The following OPHN1 variants were observed in gnomAD, a reference collection of about 807,000 sequenced individuals.
The protein encoded by OPHN1 is oligophrenin 1.
In OPHN1, 11 loss-of-function variants were observed where a neutral mutation model predicts 60.7. That is an observed-to-expected ratio of 0.18 (90% CI 0.11 to 0.30). The LOEUF (loss-of-function observed/expected upper bound fraction) is 0.30, where lower values mean the gene tolerates loss of function less well. OPHN1 is among the 10% of genes least tolerant of loss of function. The pLI is 1.00. For missense variants in OPHN1, 449 were observed against 611.0 expected, an observed-to-expected ratio of 0.73 and a Z score of 2.80; for synonymous variants, 226 against 222.6, an observed-to-expected ratio of 1.02 and a Z score of -0.14.
chrX:68,389,570 A>AATAAATAC (rs1212027404), intron 2 of OPHN1, among the ~76,000 whole-genome samples: 2 of 24,609 alleles, frequency 8.1e-5, no homozygotes, highest in African/African-American at 1.1e-4. Flanking sequence ...CCCTCTCAAA[A>AATAAATAC]ATAAATAAAT....
chrX:68,352,296 T>C (rs1267284028), intron 2 of OPHN1, among the ~76,000 whole-genome samples: 2 of 109,163 alleles, frequency 1.8e-5, no homozygotes, highest in Non-Finnish European at 3.8e-5. Flanking sequence ...GTTCAGAAGA[T>C]TTGGTAGACA....
chrX:68,134,395 C>G (rs986776433), intron 15 of OPHN1, among the ~76,000 whole-genome samples: 4 of 111,084 alleles, frequency 3.6e-5, no homozygotes, highest in African/African-American at 1.3e-4. Flanking sequence ...GTCTGTGGTC[C>G]TAGATCTACA....
At chrX:68,270,344 G>A (rs1246724848) in intron 5 of OPHN1, among the ~76,000 whole-genome samples, 2 of 110,661 alleles carry the variant, frequency 1.8e-5, no homozygotes, top group Non-Finnish European at 3.8e-5. Flanking sequence ...CAACCCAAAT[G>A]TCCATCAATG....
At chrX:68,260,170 G>A (rs751173569) in intron 5 of OPHN1, among the ~76,000 whole-genome samples, 1 of 107,421 alleles carries the variant, frequency 9.3e-6, no homozygotes, top group African/African-American at 3.4e-5. Context: ...GTAACACCCC[G>A]ACTCTTGGAG....
chrX:68,213,504 T>C (rs2077594316), intron 7 of OPHN1, among the ~76,000 whole-genome samples: 1 of 110,050 alleles, frequency 9.1e-6, no homozygotes, highest in South Asian at 4.0e-4. Context: ...GTCCCTAGCA[T>C]AGTATCTGGT....
At chrX:68,297,010 T>C (rs978678413) in intron 3 of OPHN1, among the ~76,000 whole-genome samples, 3 of 110,799 alleles carry the variant, frequency 2.7e-5, no homozygotes, top group African/African-American at 9.8e-5. Context: ...GGCTCAAAGT[T>C]CAACATAAAG....
At chrX:68,317,277 G>A (rs2078203838) in intron 2 of OPHN1, among the ~76,000 whole-genome samples, 2 of 99,863 alleles carry the variant, frequency 2.0e-5, no homozygotes, top group Non-Finnish European at 4.0e-5. Flanking sequence ...TGCAGCCTGG[G>A]CAACAGAGTG....
intron 16 of OPHN1, among the ~76,000 whole-genome samples, chrX:68,116,965 T>A (rs1221294120): frequency 8.9e-6 from 1 of 111,890 alleles, no homozygotes; most frequent in Non-Finnish European, 1.9e-5. Flanking sequence ...GCTAACTGAT[T>A]TCCACATCTC....
At chrX:68,168,961 T>C (rs1370777232) in intron 15 of OPHN1, among the ~76,000 whole-genome samples, 1 of 110,831 alleles carries the variant, frequency 9.0e-6, no homozygotes, top group African/African-American at 3.3e-5. Context: ...CAGGAAGAAG[T>C]TGACTCTCTG....
At chrX:68,154,278 A>G (rs759715479) in intron 15 of OPHN1, among the ~76,000 whole-genome samples, 2 of 112,565 alleles carry the variant, frequency 1.8e-5, no homozygotes, top group South Asian at 7.4e-4. Context: ...GACTAGCAGC[A>G]TAACTAGCAG....
At position 68,194,487 on chromosome X, in the gene OPHN1, G is replaced by C. The variant is rs1383899887; in HGVS notation, c.1116C>G (p.Ser372Arg). 1 of 1,206,837 alleles carries C rather than the reference G, an allele frequency of 8.3e-7. No homozygotes were observed. The highest frequency in any genetic ancestry group is 2.2e-5 in the Admixed American group (1 of 46,010). ...CACTTTCTTGCTGTTTTGTTATAGG[G>C]CTGTGGTAGATCTACAAAAGAAGAT... ...AMDGKEPIYH[S>R]PITKQQEMEL... Residue 372 changes from serine to arginine, a missense_variant, in exon 13 of 25, where the codon AGC becomes AGG. Ser to Arg is a moderately radical substitution (Grantham distance 110). This residue lies in a region of OPHN1 where 166 missense variants were observed against 278.4 expected (regional missense o/e 0.60). Transcript: ENST00000355520.
At chrX:68,149,968 T>C (rs892477700) in intron 15 of OPHN1, among the ~76,000 whole-genome samples, 1 of 111,575 alleles carries the variant, frequency 9.0e-6, no homozygotes, top group Admixed American at 9.6e-5. Context: ...TTATTAACTA[T>C]GACAAAGCAT....
intron 6 of OPHN1, among the ~76,000 whole-genome samples, chrX:68,230,532 A>AGACT (rs1033113051): frequency 9.1e-6 from 1 of 110,485 alleles, no homozygotes; most frequent in Admixed American, 9.7e-5. Flanking sequence ...CATCAATGAT[A>AGACT]GACTGGATTA....
At chrX:68,356,537 C>A (rs1455042700) in intron 2 of OPHN1, among the ~76,000 whole-genome samples, 1 of 110,420 alleles carries the variant, frequency 9.1e-6, no homozygotes, top group South Asian at 3.9e-4. Context: ...CTTGGCCTCC[C>A]GAGGAGCTGG....
At chrX:68,363,529 C>A in intron 2 of OPHN1, among the ~76,000 whole-genome samples, 1 of 110,465 alleles carries the variant, frequency 9.1e-6, no homozygotes, top group Non-Finnish European at 1.9e-5. Flanking sequence ...CCAGGCTGGT[C>A]TCAAACTCCT....
chrX:68,052,631 T>C (rs183984060), intron 22 of OPHN1, 41 bp from the exon 23 acceptor site: 5 of 1,139,955 alleles, frequency 4.4e-6, no homozygotes, highest in Middle Eastern at 2.4e-4. Context: ...GTTGCTTTGG[T>C]ATACACGTGA....
At chrX:68,194,999 AAAGAAAGGAAGGAAGGAAGG>A (rs1247926199) in intron 12 of OPHN1, among the ~76,000 whole-genome samples, 5 of 71,995 alleles carry the variant, frequency 6.9e-5, no homozygotes, top group African/African-American at 1.2e-4. Flanking sequence ...AGAGAGAGAG[AAAGAAAGGAAGGAAGGAAGG>A]AAGGAAGGAA....
chrX:68,109,897 G>A (rs1392740315), intron 18 of OPHN1, among the ~76,000 whole-genome samples: 2 of 110,639 alleles, frequency 1.8e-5, no homozygotes, highest in Non-Finnish European at 3.8e-5. Context: ...CCTATTTTCA[G>A]ATACTTGTGT....
chrX:68,424,196 A>T (rs5919558), intron 2 of OPHN1, among the ~76,000 whole-genome samples: 1 of 18,314 alleles, frequency 5.5e-5, no homozygotes, highest in African/African-American at 7.2e-5. Context: ...AAATAAAAAT[A>T]AAAAAAAAAT....
Sources: allele counts gnomAD v4.1 joint callset (sites outside exome capture counted in the v4.1 genomes callset), GRCh38; gene constraint gnomAD v4.1.1; regional missense constraint gnomAD v4.1.1; transcripts MANE v1.5; gene names NCBI Gene and HGNC (gene_info 2026-07-23, HGNC 2026-07-21).